Variants in RBFOX1 observed in about 807,000 individuals in gnomAD.
RBFOX1 encodes the protein RNA binding protein fox-1 homolog 1.
A neutral mutation model predicts 57.7 loss-of-function variants in RBFOX1; 8 were observed. That is an observed-to-expected ratio of 0.14 (90% CI 0.08 to 0.25). The LOEUF (loss-of-function observed/expected upper bound fraction) is 0.25, where lower values mean the gene tolerates loss of function less well. RBFOX1 is among the 10% of genes least tolerant of loss of function. The pLI is 1.00. For synonymous variants in RBFOX1, 326 were observed against 222.4 expected, an observed-to-expected ratio of 1.47 and a Z score of -4.15; for missense variants, 611 against 548.5, an observed-to-expected ratio of 1.11 and a Z score of -1.14.
intron 3 of RBFOX1, among the ~76,000 whole-genome samples, chr16:5,828,241 A>G (rs1363816132): frequency 2.0e-5 from 3 of 152,070 alleles, no homozygotes; most frequent in Non-Finnish European, 4.4e-5. Flanking sequence ...CCACCCACAA[A>G]TCTACCCATC....
intron 1 of RBFOX1, among the ~76,000 whole-genome samples, chr16:5,414,436 T>G (rs904000269): frequency 3.9e-5 from 6 of 152,204 alleles, no homozygotes; most frequent in Admixed American, 1.3e-4. Flanking sequence ...ATGAGAGATT[T>G]ATTCCCTCTA....
At chr16:6,423,078 A>G (rs1385350395) in intron 2 of RBFOX1, among the ~76,000 whole-genome samples, 2 of 152,150 alleles carry the variant, frequency 1.3e-5, no homozygotes, top group Middle Eastern at 3.2e-3. Flanking sequence ...AGCTAGGTTG[A>G]TTCCATGTAT....
chr16:5,322,471 G>A (rs1365750293), intron 1 of RBFOX1, among the ~76,000 whole-genome samples: 2 of 152,150 alleles, frequency 1.3e-5, no homozygotes, highest in Admixed American at 6.5e-5. Context: ...GTTAGCCTCT[G>A]TGGCTGCCAG....
intron 13 of RBFOX1, among the ~76,000 whole-genome samples, chr16:7,672,083 G>A (rs1365901294): frequency 6.6e-6 from 1 of 152,184 alleles, no homozygotes; most frequent in African/African-American, 2.4e-5. Flanking sequence ...TTAAGGGCCA[G>A]CATACCTGAC....
Position 7,379,796 on chromosome 16 carries a change from C to CCCTG in RBFOX1, c.28-138339_28-138336dup, listed in dbSNP as rs1388008804. Among the ~76,000 whole-genome samples, 6 of 150,122 alleles carry CCCTG rather than the reference C, an allele frequency of 4.0e-5. No homozygotes were observed. In the South Asian group the frequency reaches 6.4e-4, roughly 16 times the overall value. On this transcript the variant is annotated intron_variant, in intron 4 of 15. Coordinates refer to ENST00000550418, the MANE Select transcript of RBFOX1 (RefSeq NM_018723.4). Reference sequence around the variant, plus strand: ...TGCCTTCCGTCCTGCCTGCCTGCCTCCCTGCCTGCCTGCCTCCCTCCCTCC... The same window carrying CCCTG: ...TGCCTTCCGTCCTGCCTGCCTGCCTCCCTGCCTGCCTGCCTGCCTCCCTCCCTCC...
At chr16:6,727,550 G>C (rs1438626644) in intron 3 of RBFOX1, among the ~76,000 whole-genome samples, 3 of 152,048 alleles carry the variant, frequency 2.0e-5, no homozygotes, top group African/African-American at 7.2e-5. Context: ...TGAGGGGAGA[G>C]GGAACCGTAC....
intron 4 of RBFOX1, among the ~76,000 whole-genome samples, chr16:7,236,476 C>T (rs544571514): frequency 6.6e-6 from 1 of 152,254 alleles, no homozygotes; most frequent in Non-Finnish European, 1.5e-5. Context: ...TCTCTTTCTG[C>T]TCCATGGTTC....
chr16:6,729,280 C>A (rs572629189), intron 3 of RBFOX1, among the ~76,000 whole-genome samples: 2 of 152,090 alleles, frequency 1.3e-5, no homozygotes, highest in Non-Finnish European at 2.9e-5. Flanking sequence ...TGGGACCTGA[C>A]GATCAAGATT....
At chr16:6,244,466 G>T (rs978356026) in intron 1 of RBFOX1, among the ~76,000 whole-genome samples, 1 of 152,152 alleles carries the variant, frequency 6.6e-6, no homozygotes, top group Non-Finnish European at 1.5e-5. Context: ...AGGTTTTACA[G>T]TTGGGTATCC....
At chr16:5,408,762 A>T (rs1157296377) in intron 1 of RBFOX1, among the ~76,000 whole-genome samples, 4 of 152,228 alleles carry the variant, frequency 2.6e-5, no homozygotes, top group Admixed American at 2.0e-4. Context: ...AAGGTGAAGC[A>T]GGAGCAGGCA....
chr16:6,400,101 C>G (rs1025598380), intron 2 of RBFOX1, among the ~76,000 whole-genome samples: 2 of 152,162 alleles, frequency 1.3e-5, no homozygotes, highest in Non-Finnish European at 2.9e-5. Context: ...CACTATCTAC[C>G]AACTTGACCT....
At chr16:6,392,045 G>A (rs1276751891) in intron 2 of RBFOX1, among the ~76,000 whole-genome samples, 3 of 152,272 alleles carry the variant, frequency 2.0e-5, no homozygotes, top group African/African-American at 7.2e-5. Context: ...TATACTAAGA[G>A]GAAACCGTAG....
chr16:5,560,768 G>C (rs2045862263), intron 2 of RBFOX1, among the ~76,000 whole-genome samples: 1 of 152,092 alleles, frequency 6.6e-6, no homozygotes, highest in African/African-American at 2.4e-5. Context: ...AGATACCTAT[G>C]AGCTCCATGC....
rs8050873 is a variant in RBFOX1 at position 7,444,650 on chromosome 16, T to A, written c.28-73497T>A. On this transcript the variant is annotated intron_variant, in intron 4 of 15. Transcript: ENST00000550418. ...CAGGCTCAAGTGATCCTTCTACCTT[T>A]GTCTCCCAAGTAGCTGTACCATAGG... Among the ~76,000 whole-genome samples the A allele has an allele frequency of 4.7e-3, 716 of 152,120 alleles. 4 individuals are homozygous for A. The highest frequency in any genetic ancestry group is 0.016 in the African/African-American group (657 of 41,510).
intron 3 of RBFOX1, among the ~76,000 whole-genome samples, chr16:6,785,439 C>G (rs991083486): frequency 6.6e-6 from 1 of 152,062 alleles, no homozygotes; most frequent in South Asian, 2.1e-4. Context: ...TGCATTGATC[C>G]TTAGGAAGAA....
At chr16:6,046,634 GC>G (rs1303989894) in intron 1 of RBFOX1, among the ~76,000 whole-genome samples, 1 of 152,106 alleles carries the variant, frequency 6.6e-6, no homozygotes, top group Non-Finnish European at 1.5e-5. Flanking sequence ...AGAAAAATTG[GC>G]CCAAGGTTAG....
chr16:5,786,448 G>C (rs562161784), intron 3 of RBFOX1, among the ~76,000 whole-genome samples: 1 of 151,172 alleles, frequency 6.6e-6, no homozygotes, highest in African/African-American at 2.4e-5. Flanking sequence ...TTTATGCAGA[G>C]TTGAAATAGT....
intron 3 of RBFOX1, among the ~76,000 whole-genome samples, chr16:6,835,924 C>T (rs1187620806): frequency 6.6e-6 from 1 of 152,010 alleles, no homozygotes; most frequent in African/African-American, 2.4e-5. Flanking sequence ...ATGTGCTGAG[C>T]CTAAAATGAT....
At chr16:6,503,497 A>G (rs1374252808) in intron 2 of RBFOX1, among the ~76,000 whole-genome samples, 1 of 152,190 alleles carries the variant, frequency 6.6e-6, no homozygotes, top group Non-Finnish European at 1.5e-5. Context: ...TGATGGTTTC[A>G]TCTGGGTTTA....
Sources: allele counts gnomAD v4.1 joint callset (sites outside exome capture counted in the v4.1 genomes callset), GRCh38; gene constraint gnomAD v4.1.1; transcripts MANE v1.5; gene names NCBI Gene and HGNC (gene_info 2026-07-23, HGNC 2026-07-21).